The following NELL2 variants were observed in gnomAD, a reference collection of about 807,000 sequenced individuals.
NELL2 encodes neural EGFL like 2, also known as protein kinase C-binding protein NELL2.
NELL2 carries 41 observed loss-of-function variants against 109.6 expected under a neutral mutation model. That is an observed-to-expected ratio of 0.37 (90% confidence interval 0.29 to 0.49). The LOEUF (loss-of-function observed/expected upper bound fraction) is 0.49. Ranked by LOEUF, NELL2 falls within the 20% of genes least tolerant of loss-of-function variation. The pLI, the probability that NELL2 is intolerant of heterozygous loss-of-function variation, is 0.98. For synonymous variants in NELL2, 355 were observed against 344.7 expected (o/e 1.03, Z -0.33); for missense variants, 900 against 1,008.3 (o/e 0.89, Z 1.45).
chr12:44,604,174 G>C lies in NELL2; in HGVS notation c.1663+2995C>G, dbSNP rs184495483. ...GACGAAGCATGGCATAAGAAATAAA[G>C]GAAAGCAGGAAGAAAAGAAGAAAGA... On this transcript the variant is annotated intron_variant, in intron 15 of 19. Transcript: ENST00000429094. 2.8e-3 allele frequency among the ~76,000 whole-genome samples: 421 copies of C among 151,704 alleles called. 2 individuals are homozygous for C. The highest frequency in any genetic ancestry group is 5.6e-3 in the African/African-American group (230 of 41,340).
chr12:44,684,017 C>G (rs1948623538), intron 12 of NELL2, among the ~76,000 whole-genome samples: 1 of 152,180 alleles, frequency 6.6e-6, no homozygotes, highest in Non-Finnish European at 1.5e-5. Flanking sequence ...CCTTGTATCT[C>G]TGGTAGAATT....
chr12:44,854,124 T>A lies in NELL2; in HGVS notation c.184+21101A>T, dbSNP rs192706416. 2.0e-5 allele frequency among the ~76,000 whole-genome samples: 3 copies of A among 152,300 alleles called. No individual in the cohort carries two copies. In the East Asian group the frequency reaches 5.8e-4, roughly 29 times the overall value. On this transcript the variant is annotated intron_variant, in intron 2 of 19. Transcript: ENST00000429094. Reference sequence around the variant, plus strand: ...GTTCTGCTCTGAAATACTTAACCTATTTGGCATTTTTTCTGGGACACTTAA... The same window carrying A: ...GTTCTGCTCTGAAATACTTAACCTAATTGGCATTTTTTCTGGGACACTTAA...
At position 44,898,602 on chromosome 12, in the gene NELL2, G is replaced by A. The variant is rs181636315; in HGVS notation, c.38+15197C>T. On this transcript the variant is annotated intron_variant, in intron 1 of 20. Coordinates refer to the NELL2 transcript ENST00000333837. Reference sequence around the variant, plus strand: ...GCCCGTGCAAAAACCCCATCCAAAGGTCACCAACATCAAAGACCAAAGGTA... The same window carrying A: ...GCCCGTGCAAAAACCCCATCCAAAGATCACCAACATCAAAGACCAAAGGTA... Among the ~76,000 whole-genome samples, 422 of 152,186 alleles carry A rather than the reference G, an allele frequency of 2.8e-3. 3 individuals carry two copies. The highest frequency in any genetic ancestry group is 9.5e-3 in the African/African-American group (396 of 41,516).
chr12:44,920,976 T>C (rs538348268), intron 1 of NELL2, among the ~76,000 whole-genome samples: 1 of 152,256 alleles, frequency 6.6e-6, no homozygotes, highest in South Asian at 2.1e-4. Context: ...AAAACACAAA[T>C]GTTCTTAAGA....
At chr12:44,596,355 T>G (rs1035878534) in intron 15 of NELL2, among the ~76,000 whole-genome samples, 1 of 152,188 alleles carries the variant, frequency 6.6e-6, no homozygotes, top group Non-Finnish European at 1.5e-5. Flanking sequence ...AATTTTAATA[T>G]GACAGTCCTA....
chr12:44,680,110 T>A (rs538393160), intron 12 of NELL2, among the ~76,000 whole-genome samples: 44 of 152,218 alleles, frequency 2.9e-4, no homozygotes, highest in African/African-American at 1.0e-3. Flanking sequence ...ATATATATAT[T>A]TTGTCAGAAA....
At position 44,829,047 on chromosome 12, in the gene NELL2, C is replaced by A. The variant is rs759789092; in HGVS notation, c.185-12911G>T. 9.9e-5 allele frequency among the ~76,000 whole-genome samples: 15 copies of A among 152,254 alleles called. No individual in the cohort carries two copies. The South Asian group carries it at 3.1e-3, about 32-fold the overall frequency. ...AGCAGTCCCTCAGAACCTCATCAGC[C>A]AAGTTACCAGCTGTTTTGATGCCAG... is the stretch of plus-strand genomic sequence containing the variant. On this transcript the variant is annotated intron_variant, in intron 2 of 19. Coordinates refer to ENST00000429094, the MANE Select transcript of NELL2 (RefSeq NM_001145108.2).
chr12:44,843,519 G>C (rs1210119807), intron 2 of NELL2, among the ~76,000 whole-genome samples: 1 of 152,170 alleles, frequency 6.6e-6, no homozygotes, highest in Non-Finnish European at 1.5e-5. Context: ...TACCATATAA[G>C]CCTGCTATTC....
upstream of NELL2, among the ~76,000 whole-genome samples, chr12:44,915,021 T>C (rs1470008641): frequency 1.5e-5 from 2 of 134,520 alleles, no homozygotes; most frequent in African/African-American, 2.8e-5. Context: ...GGCTAATTTT[T>C]TGTATTTTTT....
intron 13 of NELL2, among the ~76,000 whole-genome samples, chr12:44,631,644 C>T (rs918306885): frequency 2.0e-5 from 3 of 151,860 alleles, no homozygotes; most frequent in Admixed American, 6.6e-5. Context: ...ACAATATGCT[C>T]AGGTAACAAG....
chr12:44,812,760 A>G (rs1747532187), intron 3 of NELL2, among the ~76,000 whole-genome samples: 3 of 152,200 alleles, frequency 2.0e-5, no homozygotes, highest in Admixed American at 1.3e-4. Context: ...AAAAGACTCA[A>G]TAATAAAAAG....
chr12:44,530,194 GAAAT>G (rs1449225638), intron 16 of NELL2, among the ~76,000 whole-genome samples: 1 of 152,138 alleles, frequency 6.6e-6, no homozygotes, highest in South Asian at 2.1e-4. Context: ...CAGATATATA[GAAAT>G]AAATAAATAG....
intron 12 of NELL2, among the ~76,000 whole-genome samples, chr12:44,701,499 A>G (rs1023868650): frequency 1.3e-5 from 2 of 152,086 alleles, no homozygotes; most frequent in African/African-American, 2.4e-5. Context: ...GCCAATTTTC[A>G]GTAAGCTGCA....
chr12:44,630,712 A>G (rs964195820), intron 13 of NELL2, among the ~76,000 whole-genome samples: 7 of 152,168 alleles, frequency 4.6e-5, no homozygotes, highest in African/African-American at 7.2e-5. Context: ...CATCAAGAGA[A>G]CAGTCATAAT....
At position 44,803,346 on chromosome 12, in the gene NELL2, A is replaced by C. The variant is rs1942895429; in HGVS notation, c.335+12640T>G. 2.0e-5 allele frequency among the ~76,000 whole-genome samples: 3 copies of C among 152,056 alleles called. No individual in the cohort carries two copies. In the South Asian group the frequency reaches 6.2e-4, roughly 31 times the overall value. ...TGTTTGAATGGGGTCTGTAGATTAG[A>C]TAATATTGTAATGTCAATGTTGATT... On this transcript the variant is annotated intron_variant, in intron 3 of 19. Transcript: ENST00000429094.
chr12:44,790,420 A>G (rs1004485815), intron 3 of NELL2, among the ~76,000 whole-genome samples: 1 of 152,174 alleles, frequency 6.6e-6, no homozygotes, highest in Non-Finnish European at 1.5e-5. Context: ...TGAGACCAAG[A>G]AATGCTGAGA....
intron 2 of NELL2, among the ~76,000 whole-genome samples, chr12:44,873,428 GAA>G (rs965020309): frequency 1.3e-4 from 20 of 151,966 alleles, no homozygotes; most frequent in Non-Finnish European, 4.4e-5. Flanking sequence ...AATTAACCAG[GAA>G]AAGTTATCGA....
At chr12:44,784,617 T>C (rs1942092747) in intron 3 of NELL2, among the ~76,000 whole-genome samples, 1 of 152,110 alleles carries the variant, frequency 6.6e-6, no homozygotes, top group Non-Finnish European at 1.5e-5. Flanking sequence ...TCAACATCCA[T>C]GTGAAAATCC....
At chr12:44,756,467 C>G (rs1456213705) in intron 9 of NELL2, among the ~76,000 whole-genome samples, 3 of 152,026 alleles carry the variant, frequency 2.0e-5, no homozygotes, top group Admixed American at 6.6e-5. Context: ...TGCATCCTCC[C>G]ATTCACAGCC....
Sources: allele counts gnomAD v4.1 joint callset (sites outside exome capture counted in the v4.1 genomes callset), GRCh38; gene constraint gnomAD v4.1.1; transcripts MANE v1.5; gene names NCBI Gene and HGNC (gene_info 2026-07-23, HGNC 2026-07-21).